Variants in AMPH observed in about 807,000 individuals in gnomAD.
AMPH encodes amphiphysin, also known as amphiphysin (Stiff-Mann syndrome with breast cancer 128kD autoantigen).
AMPH carries 49 observed loss-of-function variants against 99.1 expected under a neutral mutation model. The ratio of observed to expected loss-of-function variants is 0.49; its 90% CI spans 0.39 to 0.63. The LOEUF (loss-of-function observed/expected upper bound fraction) is 0.63. AMPH is among the 20% of genes least tolerant of loss of function. The pLI is 0.00. For synonymous variants in AMPH, 314 were observed against 317.3 expected, an observed-to-expected ratio of 0.99 and a Z score of 0.11; for missense variants, 759 against 863.4, an observed-to-expected ratio of 0.88 and a Z score of 1.52.
At chr7:38,621,960 T>A (rs946815242) in intron 1 of AMPH, among the ~76,000 whole-genome samples, 2 of 152,226 alleles carry the variant, frequency 1.3e-5, no homozygotes, top group Non-Finnish European at 2.9e-5. Flanking sequence ...CATTTCCATG[T>A]GGAAAGGTGG....
chr7:38,611,131 C>A (rs1332211690), intron 1 of AMPH, among the ~76,000 whole-genome samples: 1 of 152,122 alleles, frequency 6.6e-6, no homozygotes, highest in Non-Finnish European at 1.5e-5. Flanking sequence ...GAATGTGATT[C>A]CACCTTTAAG....
chr7:38,516,976 G>A (rs1789771384), intron 2 of AMPH, among the ~76,000 whole-genome samples: 1 of 152,170 alleles, frequency 6.6e-6, no homozygotes, highest in African/African-American at 2.4e-5. Context: ...CTTTTGGAAT[G>A]GATATATTTA....
rs1226952704 is a variant in AMPH at position 38,434,994 on chromosome 7, TCAAA to T, written c.1134+1274_1134+1277del. Among the ~76,000 whole-genome samples the T allele has an allele frequency of 4.6e-5, 7 of 152,228 alleles. No homozygotes were observed. The South Asian group carries it at 1.0e-3, about 23-fold the overall frequency. Reference sequence around the variant, plus strand: ...GTGTAGTTAACATAGATTTCTGTGGTCAAACAAATTTGGGAAACTCTAAGTTAAA... The same window carrying T: ...GTGTAGTTAACATAGATTTCTGTGGTCAAATTTGGGAAACTCTAAGTTAAA... On this transcript the variant is annotated intron_variant, in intron 12 of 20. Transcript: ENST00000356264.
chr7:38,608,575 G>A (rs1282145441), intron 1 of AMPH, among the ~76,000 whole-genome samples: 1 of 152,102 alleles, frequency 6.6e-6, no homozygotes, highest in Non-Finnish European at 1.5e-5. Context: ...AAACGAGAAA[G>A]GCTAACAGTT....
intron 11 of AMPH, among the ~76,000 whole-genome samples, chr7:38,451,971 T>C (rs1225103417): frequency 6.6e-6 from 1 of 152,086 alleles, no homozygotes; most frequent in Middle Eastern, 3.2e-3. Flanking sequence ...TACAAGCAGA[T>C]AAGAACATTT....
chr7:38,509,356 C>T (rs964314226), intron 2 of AMPH, among the ~76,000 whole-genome samples: 7 of 152,090 alleles, frequency 4.6e-5, no homozygotes, highest in Admixed American at 6.6e-5. Flanking sequence ...TCCAACTATC[C>T]CTGTCACCAA....
intron 1 of AMPH, among the ~76,000 whole-genome samples, chr7:38,600,104 T>A (rs1793195453): frequency 6.6e-6 from 1 of 152,112 alleles, no homozygotes; most frequent in African/African-American, 2.4e-5. Flanking sequence ...TTAAAATACA[T>A]TTTTATTTGT....
intron 1 of AMPH, among the ~76,000 whole-genome samples, chr7:38,624,312 A>G (rs1421137201): frequency 6.7e-6 from 1 of 150,366 alleles, no homozygotes; most frequent in Non-Finnish European, 1.5e-5. Flanking sequence ...GGACAGAGAA[A>G]ATGACACAAA....
intron 17 of AMPH, among the ~76,000 whole-genome samples, chr7:38,417,004 A>T (rs957794711): frequency 6.6e-6 from 1 of 152,222 alleles, no homozygotes; most frequent in African/African-American, 2.4e-5. Flanking sequence ...TTTTGGTAAT[A>T]GAGAAATTGT....
chr7:38,631,142 C>T, intron 1 of AMPH, 141 bp downstream of exon 1: 2 of 670,602 alleles, frequency 3.0e-6, no homozygotes, highest in Non-Finnish European at 4.0e-6. Flanking sequence ...GAGGGCAGGG[C>T]GTCCCAGCGT....
At chr7:38,421,910 T>C (rs558878880) in intron 16 of AMPH, among the ~76,000 whole-genome samples, 17 of 152,338 alleles carry the variant, frequency 1.1e-4, no homozygotes, top group Admixed American at 8.5e-4. Context: ...GAGTAACTAT[T>C]TCTATTTCTT....
intron 1 of AMPH, among the ~76,000 whole-genome samples, chr7:38,571,282 T>A (rs1216472006): frequency 4.9e-5 from 2 of 41,116 alleles, no homozygotes; most frequent in Admixed American, 4.3e-4. Context: ...TATATATTTT[T>A]ATATATATTT....
chr7:38,531,961 AC>A (rs1790417353), intron 2 of AMPH, among the ~76,000 whole-genome samples: 1 of 152,172 alleles, frequency 6.6e-6, no homozygotes, highest in African/African-American at 2.4e-5. Context: ...TGCAGATGTA[AC>A]CATAATCTTG....
chr7:38,453,165 T>C (rs1311503301), intron 11 of AMPH, among the ~76,000 whole-genome samples: 1 of 152,138 alleles, frequency 6.6e-6, no homozygotes, highest in Non-Finnish European at 1.5e-5. Context: ...CTCCCCAGAT[T>C]AGAAGAAAAC....
At chr7:38,583,441 C>T (rs1413768447) in intron 1 of AMPH, among the ~76,000 whole-genome samples, 1 of 152,134 alleles carries the variant, frequency 6.6e-6, no homozygotes, top group East Asian at 1.9e-4. Context: ...AAGCCACACA[C>T]CTTTTAATAC....
chr7:38,465,936 A>AAC (rs1295549425), intron 8 of AMPH, among the ~76,000 whole-genome samples: 6 of 152,132 alleles, frequency 3.9e-5, no homozygotes, highest in Non-Finnish European at 8.8e-5. Context: ...CAACTTTATA[A>AAC]ACTGCCTGGT....
In AMPH at chr7:38,583,575, C is replaced by G. The variant is rs140028268; in HGVS notation, c.69+47708G>C. Among the ~76,000 whole-genome samples the G allele has an allele frequency of 4.4e-3, 676 of 152,276 alleles. 3 individuals are homozygous for G. Among genetic ancestry groups the G allele is most frequent in the Middle Eastern group, 0.014 (4 of 294 alleles). On this transcript the variant is annotated intron_variant, in intron 1 of 20. Transcript: ENST00000356264. ...CTTCTGCATTCATTTTGAGGATGAA[C>G]CCCTCTGTACAGGATAGACATATTC...
At position 38,391,606 on chromosome 7, in the gene AMPH, C is replaced by T. The variant is rs942528039; in HGVS notation, c.1878+142G>A. On this transcript the variant is annotated intron_variant, in intron 19 of 20. Transcript: ENST00000356264. The stretch of plus-strand genomic sequence containing the variant: ...TCTATTACTGTAGTCCTGGCTTGTC[C>T]AAGTGATGTTGTGGTGAAGGGAAAG... 6 of 815,132 alleles carry T rather than the reference C, an allele frequency of 7.4e-6. No homozygotes were observed. The African/African-American group carries it at 1.0e-4, about 14-fold the overall frequency. 50.5% of individuals were successfully genotyped at this position (815,132 alleles called of 1,614,324 possible).
At chr7:38,462,258 C>G (rs1787478278) in intron 10 of AMPH, among the ~76,000 whole-genome samples, 1 of 152,140 alleles carries the variant, frequency 6.6e-6, no homozygotes, top group Non-Finnish European at 1.5e-5. Flanking sequence ...TGATGCTCAA[C>G]AGGTTAGGTG....
Sources: allele counts gnomAD v4.1 joint callset (sites outside exome capture counted in the v4.1 genomes callset), GRCh38; gene constraint gnomAD v4.1.1; transcripts MANE v1.5; gene names NCBI Gene and HGNC (gene_info 2026-07-23, HGNC 2026-07-21).